OR3A3: variants seen among roughly 807,000 people sequenced by gnomAD.
The protein encoded by OR3A3 is olfactory receptor 3A3.
For missense variants in OR3A3, 275 were observed against 391.4 expected, an observed-to-expected ratio of 0.70 and a Z score of 2.51; for synonymous variants, 103 against 163.9, an observed-to-expected ratio of 0.63 and a Z score of 2.84.
chr17:3,417,258 AT>A (rs1273453273), intron 2 of OR3A3, among the ~76,000 whole-genome samples: 3 of 151,904 alleles, frequency 2.0e-5, no homozygotes, highest in South Asian at 2.1e-4. Flanking sequence ...TTGTTTTCTT[AT>A]TCTAAATTCA....
chr17:3,416,075 G>C (rs563848534), intron 2 of OR3A3, among the ~76,000 whole-genome samples: 1 of 151,784 alleles, frequency 6.6e-6, no homozygotes, highest in African/African-American at 2.4e-5. Flanking sequence ...GCCTCCCAAC[G>C]TGCTGGGATT....
At chr17:3,416,970 C>G (rs1330368380) in intron 2 of OR3A3, among the ~76,000 whole-genome samples, 1 of 151,824 alleles carries the variant, frequency 6.6e-6, no homozygotes, top group Non-Finnish European at 1.5e-5. Flanking sequence ...TTATCTTTAT[C>G]ACTCCTTCCC....
rs570730659 is a variant in OR3A3, at chr17:3,421,832, TCATATATAGTATACCACATGGTGATA to T, written c.*302_*327del. On this transcript the variant is annotated 3_prime_UTR_variant, in exon 3 of 3. Transcript: ENST00000641141. ...GGTAGGCTAAATAAATAAATAAGCA[TCATATATAGTATACCACATGGTGATA>T]CACTCTATAGAAAAAAGCTGGTAAG... The T allele has an allele frequency of 4.1e-4, 109 of 267,880 alleles. No homozygotes were observed. In the South Asian group the frequency reaches 9.1e-3, roughly 22 times the overall value. 16.6% of individuals were successfully genotyped at this position (267,880 alleles called of 1,614,324 possible).
At chr17:3,420,495 C>A in intron 2 of OR3A3, 85 bp from the exon 3 acceptor site, 5 of 1,554,012 alleles carry the variant, frequency 3.2e-6, no homozygotes, top group Non-Finnish European at 4.4e-6. Flanking sequence ...GGGGACTCGC[C>A]ACGGGGCTTT....
chr17:3,422,587 A>G (rs11078449), exon 3 of OR3A3: 69,241 of 152,080 alleles, frequency 0.46, 17,231 homozygotes, highest in Non-Finnish European at 0.58. Context: ...TAATACATCA[A>G]TACTGCTGCA....
Position 3,418,295 on chromosome 17 carries a change from T to C in OR3A3, c.-6-2285T>C, listed in dbSNP as rs555875591. ...TTTGAAGTCTAAATGAATCGAAAGG[T>C]TTCTCAGCCAGTTTTTCATGAGAGG... is the stretch of plus-strand genomic sequence containing the variant. On this transcript the variant is annotated intron_variant, in intron 2 of 2. Transcript: ENST00000641141. 2.0e-5 allele frequency among the ~76,000 whole-genome samples: 3 copies of C among 152,278 alleles called. No individual in the cohort carries two copies. In the East Asian group the frequency reaches 5.8e-4, roughly 29 times the overall value.
intron 2 of OR3A3, among the ~76,000 whole-genome samples, chr17:3,417,177 TATTC>T (rs1254090901): frequency 1.3e-5 from 2 of 152,206 alleles, no homozygotes; most frequent in Non-Finnish European, 2.9e-5. Context: ...TCTCAATTTG[TATTC>T]ATTCTTTTGT....
In OR3A3 at chr17:3,420,885, C is replaced by A. The variant is rs759559183; in HGVS notation, c.300C>A (p.Cys100Ter). ...AGTCCACAATTTCCTATGACGCCTG[C>A]CTCTCCCAGCTCTTCTTCTTCCACC... Residue 100 changes from cysteine (C) to a stop codon, truncating the protein, a stop_gained, in exon 3 of 3, where the codon TGC becomes TGA. Transcript: ENST00000641141. LOFTEE classifies it low-confidence loss of function (END_TRUNC). The A allele has an allele frequency of 1.9e-6, 3 of 1,580,546 alleles. No individual in the cohort carries two copies. The highest frequency in any genetic ancestry group is 4.5e-5 in the East Asian group (2 of 44,494).
rs9901278 is a variant in OR3A3, at chr17:3,416,667, T to C, written c.-6-3913T>C. Among the ~76,000 whole-genome samples the C allele has an allele frequency of 2.6e-3, 392 of 152,196 alleles. 3 individuals carry two copies. The highest frequency in any genetic ancestry group is 8.4e-3 in the African/African-American group (348 of 41,572). On this transcript the variant is annotated intron_variant, in intron 2 of 2. Coordinates refer to ENST00000641141, the Ensembl canonical transcript of OR3A3. ...TAACTTCATAGAAAACTTTTATAACTTGGAGTTCAGAAAAATAGAATTTTA... is the reference window on the plus strand; with the variant it reads ...TAACTTCATAGAAAACTTTTATAACCTGGAGTTCAGAAAAATAGAATTTTA...
chr17:3,414,888 A>C (rs2072381527), intron 2 of OR3A3, among the ~76,000 whole-genome samples: 1 of 149,694 alleles, frequency 6.7e-6, no homozygotes, highest in South Asian at 2.1e-4. Flanking sequence ...CATTCATAAA[A>C]AGTATATTAA....
intron 2 of OR3A3, among the ~76,000 whole-genome samples, chr17:3,415,323 G>A (rs2072383842): frequency 6.6e-6 from 1 of 151,848 alleles, no homozygotes; most frequent in Non-Finnish European, 1.5e-5. Flanking sequence ...CACTTTGGGA[G>A]GCCGAGGCGG....
chr17:3,413,422 G>C (rs578029241), intron 2 of OR3A3, among the ~76,000 whole-genome samples: 1 of 152,300 alleles, frequency 6.6e-6, no homozygotes, highest in Non-Finnish European at 1.5e-5. Flanking sequence ...CCTACCCACT[G>C]ATTTGCCAAT....
At chr17:3,413,135 G>C (rs1379649258) in intron 2 of OR3A3, among the ~76,000 whole-genome samples, 1 of 152,226 alleles carries the variant, frequency 6.6e-6, no homozygotes, top group Non-Finnish European at 1.5e-5. Flanking sequence ...AGCAATGACT[G>C]AACTGGAAGG....
rs71153352 is a variant in OR3A3 at position 3,415,798 on chromosome 17, A to AATTATTATTATT, written c.-7+3661_-7+3672dup. On this transcript the variant is annotated intron_variant, in intron 2 of 2. Coordinates refer to ENST00000641141, the Ensembl canonical transcript of OR3A3. ...TTTATTTTTTATTTACTTATTTTTA[A>AATTATTATTATT]ATTATTATTATTATTATTATTATTA... Among the ~76,000 whole-genome samples the AATTATTATTATT allele has an allele frequency of 1.4e-3, 124 of 90,582 alleles. 1 individual carries two copies. Among genetic ancestry groups the AATTATTATTATT allele is most frequent in the East Asian group, 5.9e-3 (26 of 4,416 alleles). The allele number at this position is 90,582 out of a possible 152,430, so 59.4% of individuals were successfully genotyped here.
At chr17:3,422,996 T>A (rs1224237682) in exon 3 of OR3A3, 2 of 152,216 alleles carry the variant, frequency 1.3e-5, no homozygotes, top group East Asian at 3.8e-4. Context: ...TCTTACCTGA[T>A]GCTCTTGGGT....
chr17:3,423,309 C>T (rs1280797431), exon 3 of OR3A3: 3 of 152,482 alleles, frequency 2.0e-5, no homozygotes, highest in Non-Finnish European at 4.4e-5. Context: ...ATTTCCACCA[C>T]TCCATCTACG....
intron 2 of OR3A3, among the ~76,000 whole-genome samples, 170 bp downstream of exon 2, chr17:3,412,341 G>A (rs1232803600): frequency 4.7e-5 from 7 of 147,626 alleles, no homozygotes; most frequent in African/African-American, 2.5e-5. Context: ...GGTTTTCCCC[G>A]TGCTCGCCTC....
At chr17:3,421,292 G>A in exon 3 of OR3A3, 1 of 1,614,208 alleles carries the variant, frequency 6.2e-7, no homozygotes, top group South Asian at 1.1e-5. Context: ...TCTGCTGAGG[G>A]CAGAAAGAAG....
intron 2 of OR3A3, among the ~76,000 whole-genome samples, chr17:3,415,327 G>A (rs1004134726): frequency 8.6e-5 from 13 of 151,840 alleles, no homozygotes; most frequent in African/African-American, 2.2e-4. Flanking sequence ...TTGGGAGGCC[G>A]AGGCGGGCGG....
Sources: gnomAD v4.1 joint callset for allele counts (sites outside exome capture counted in the v4.1 genomes callset) on GRCh38, gnomAD v4.1.1 for gene constraint, MANE v1.5 for transcripts, NCBI Gene and HGNC (gene_info 2026-07-23, HGNC 2026-07-21) for gene names.